Variants in VPS13B observed in about 807,000 individuals in gnomAD.
The protein encoded by VPS13B is intermembrane lipid transfer protein VPS13B.
VPS13B carries 285 observed loss-of-function variants against 426.4 expected under a neutral mutation model. The ratio of observed to expected loss-of-function variants is 0.67; its 90% confidence interval spans 0.61 to 0.74. The LOEUF is 0.74. Among genes scored for constraint, VPS13B ranks in the 30% least tolerant of loss-of-function variants. VPS13B has a pLI of 0.00. For missense variants in VPS13B, 4,537 were observed against 4,782.6 expected (o/e 0.95, Z 1.51); for synonymous variants, 1,676 against 1,676.4 (o/e 1.00, Z 0.01).
At position 99,792,425 on chromosome 8, in the gene VPS13B, A is replaced by T. The variant is rs1812587319; in HGVS notation, c.7941+7949A>T. 2.1e-5 allele frequency among the ~76,000 whole-genome samples: 3 copies of T among 145,428 alleles called. No homozygotes were observed. In the Admixed American group the frequency reaches 2.2e-4, roughly 11 times the overall value. ...TTTACAGATGTAATTAAGGTCCTAA[A>T]TTAGTTGATTTTTAGTTAAGAGAGA... On this transcript the variant is annotated intron_variant, in intron 43 of 61. Transcript: ENST00000357162.
At chr8:99,517,773 T>C (rs1366997358) in intron 29 of VPS13B, among the ~76,000 whole-genome samples, 3 of 152,056 alleles carry the variant, frequency 2.0e-5, no homozygotes, top group Non-Finnish European at 4.4e-5. Flanking sequence ...ATGTTGAAAA[T>C]ATTTCTAGAA....
At chr8:99,550,241 T>C (rs904819435) in intron 30 of VPS13B, among the ~76,000 whole-genome samples, 1 of 152,260 alleles carries the variant, frequency 6.6e-6, no homozygotes, top group Admixed American at 6.5e-5. Flanking sequence ...CTTACTACTT[T>C]ACTAGCAGTT....
chr8:99,379,728 T>G (rs1813689336), intron 19 of VPS13B, among the ~76,000 whole-genome samples: 1 of 152,196 alleles, frequency 6.6e-6, no homozygotes, highest in African/African-American at 2.4e-5. Context: ...ATCCAAAGTC[T>G]TCTTTCTTCG....
At chr8:99,496,461 C>G (rs1820889201) in intron 25 of VPS13B, among the ~76,000 whole-genome samples, 1 of 152,082 alleles carries the variant, frequency 6.6e-6, no homozygotes, top group Non-Finnish European at 1.5e-5. Context: ...ACCATCCTGG[C>G]TAACACAGTG....
At chr8:99,285,920 T>A (rs1819412542) in intron 19 of VPS13B, among the ~76,000 whole-genome samples, 1 of 152,196 alleles carries the variant, frequency 6.6e-6, no homozygotes, top group Admixed American at 6.5e-5. Context: ...TGTAAATAAG[T>A]GAGACTCAGT....
intron 19 of VPS13B, among the ~76,000 whole-genome samples, chr8:99,376,861 A>G (rs1813518170): frequency 6.6e-6 from 1 of 152,082 alleles, no homozygotes. Flanking sequence ...GCCTGTACTT[A>G]GATGCATAAT....
intron 23 of VPS13B, among the ~76,000 whole-genome samples, chr8:99,458,160 A>G: frequency 6.7e-6 from 1 of 149,586 alleles, no homozygotes; most frequent in Non-Finnish European, 1.5e-5. Context: ...GAGTGAGAAC[A>G]TGCGGTGTTT....
intron 19 of VPS13B, among the ~76,000 whole-genome samples, chr8:99,370,199 G>C (rs1285061081): frequency 6.6e-6 from 1 of 152,194 alleles, no homozygotes; most frequent in African/African-American, 2.4e-5. Context: ...TCTCTGATAT[G>C]ACCTTGCATT....
intron 16 of VPS13B, among the ~76,000 whole-genome samples, chr8:99,176,551 C>G (rs775684135): frequency 1.3e-5 from 2 of 152,094 alleles, no homozygotes; most frequent in African/African-American, 2.4e-5. Flanking sequence ...TGATATGTAC[C>G]ACAGATTGAA....
chr8:99,579,437 G>A (rs949738433), intron 33 of VPS13B, among the ~76,000 whole-genome samples: 4 of 151,602 alleles, frequency 2.6e-5, no homozygotes, highest in Admixed American at 6.6e-5. Flanking sequence ...TTGCACTGTC[G>A]CCTGGGCTGG....
intron 4 of VPS13B, among the ~76,000 whole-genome samples, chr8:99,102,442 T>C (rs1056931155): frequency 6.6e-6 from 1 of 152,306 alleles, no homozygotes. Flanking sequence ...ATGATGGTCA[T>C]GTTTCTTCTA....
At chr8:99,681,812 G>A (rs551131434) in intron 35 of VPS13B, among the ~76,000 whole-genome samples, 2 of 152,092 alleles carry the variant, frequency 1.3e-5, no homozygotes, top group Non-Finnish European at 2.9e-5. Flanking sequence ...TAAATTTAAG[G>A]TAATCAAAAG....
chr8:99,292,429 A>C (rs1255910108), intron 19 of VPS13B, among the ~76,000 whole-genome samples: 2 of 152,166 alleles, frequency 1.3e-5, no homozygotes, highest in African/African-American at 4.8e-5. Context: ...ACCCTTCAGC[A>C]GCTGGAAAAT....
intron 19 of VPS13B, among the ~76,000 whole-genome samples, chr8:99,287,445 GTAGT>G (rs1404007013): frequency 6.6e-6 from 1 of 151,834 alleles, no homozygotes; most frequent in Non-Finnish European, 1.5e-5. Flanking sequence ...TTTAATTTTA[GTAGT>G]TAATTTATTC....
chr8:99,294,388 G>T (rs13277344), intron 19 of VPS13B, among the ~76,000 whole-genome samples: 3 of 122,432 alleles, frequency 2.5e-5, no homozygotes, highest in East Asian at 2.6e-4. Context: ...TGGGGACTGT[G>T]GTGGGGTGGG....
At chr8:99,737,681 A>C (rs138600181) in intron 39 of VPS13B, among the ~76,000 whole-genome samples, 192 of 152,362 alleles carry the variant, frequency 1.3e-3, no homozygotes, top group Non-Finnish European at 2.4e-3. Flanking sequence ...GTGCCACAAT[A>C]TTTTGAAAAC....
intron 5 of VPS13B, among the ~76,000 whole-genome samples, chr8:99,105,472 G>A (rs1394704771): frequency 1.3e-5 from 2 of 152,066 alleles, no homozygotes; most frequent in African/African-American, 2.4e-5. Flanking sequence ...TCTGCCTCCC[G>A]GGTTCAAGCG....
intron 19 of VPS13B, among the ~76,000 whole-genome samples, chr8:99,357,201 C>T (rs2133225849): frequency 6.6e-6 from 1 of 152,278 alleles, no homozygotes; most frequent in East Asian, 1.9e-4. Flanking sequence ...CTCTACCTCA[C>T]CTATTCAGAC....
chr8:99,756,667 C>T (rs1215091899), intron 39 of VPS13B, among the ~76,000 whole-genome samples: 1 of 152,142 alleles, frequency 6.6e-6, no homozygotes, highest in East Asian at 1.9e-4. Flanking sequence ...GACCAGAAGA[C>T]AGTGAGATGA....
Sources: allele counts gnomAD v4.1 joint callset (sites outside exome capture counted in the v4.1 genomes callset), GRCh38; gene constraint gnomAD v4.1.1; transcripts MANE v1.5; gene names NCBI Gene and HGNC (gene_info 2026-07-23, HGNC 2026-07-21).